Variants in GNAQ observed in about 807,000 individuals in gnomAD.
GNAQ encodes G protein subunit alpha q.
In GNAQ, 8 loss-of-function variants were observed where a neutral mutation model predicts 43.9. The observed-to-expected ratio is 0.18, with a 90% CI of 0.11 to 0.33. The LOEUF (loss-of-function observed/expected upper bound fraction) is 0.33, where lower values mean the gene tolerates loss of function less well. Ranked by LOEUF, GNAQ falls within the 10% of genes least tolerant of loss-of-function variation. GNAQ has a pLI of 1.00. For missense variants in GNAQ, 158 were observed against 450.8 expected, an observed-to-expected ratio of 0.35 and a Z score of 5.88; for synonymous variants, 155 against 170.7, an observed-to-expected ratio of 0.91 and a Z score of 0.71.
chr9:77,830,356 T>C (rs1827278683), intron 2 of GNAQ, among the ~76,000 whole-genome samples: 1 of 152,094 alleles, frequency 6.6e-6, no homozygotes, highest in Admixed American at 6.6e-5. Context: ...AGAGAAAATA[T>C]CAAAACCTAT....
chr9:78,011,851 A>G (rs1823776074), intron 1 of GNAQ, among the ~76,000 whole-genome samples: 1 of 152,212 alleles, frequency 6.6e-6, no homozygotes, highest in Non-Finnish European at 1.5e-5. Flanking sequence ...TGATTGGTGT[A>G]CCTAAAGAAG....
chr9:77,770,279 G>A (rs890537451), intron 5 of GNAQ, among the ~76,000 whole-genome samples: 1 of 152,156 alleles, frequency 6.6e-6, no homozygotes, highest in Admixed American at 6.5e-5. Flanking sequence ...CATTTATTCA[G>A]TCTGATAATC....
intron 2 of GNAQ, among the ~76,000 whole-genome samples, chr9:77,884,027 A>G (rs1828261262): frequency 6.6e-6 from 1 of 152,226 alleles, no homozygotes; most frequent in African/African-American, 2.4e-5. Flanking sequence ...AAATGGAGGG[A>G]GAATTCTCTA....
chr9:77,819,650 T>C (rs1297942893), intron 2 of GNAQ, among the ~76,000 whole-genome samples: 3 of 152,060 alleles, frequency 2.0e-5, no homozygotes, highest in Non-Finnish European at 4.4e-5. Flanking sequence ...TCAGAAAAAG[T>C]GCAAGCCAGC....
chr9:77,898,793 T>C (rs941448095), intron 2 of GNAQ, among the ~76,000 whole-genome samples: 3 of 152,180 alleles, frequency 2.0e-5, no homozygotes, highest in Non-Finnish European at 2.9e-5. Flanking sequence ...ATTTATTATA[T>C]CCATCTAGTA....
chr9:77,761,969 G>GC (rs1169904891), intron 5 of GNAQ, among the ~76,000 whole-genome samples: 1 of 136,710 alleles, frequency 7.3e-6, no homozygotes, highest in Non-Finnish European at 1.6e-5. Flanking sequence ...CCCCCGCCCG[G>GC]CCAGCCGCCC....
At chr9:77,873,314 AT>A (rs1242552048) in intron 2 of GNAQ, among the ~76,000 whole-genome samples, 4 of 152,188 alleles carry the variant, frequency 2.6e-5, no homozygotes, top group African/African-American at 9.7e-5. Flanking sequence ...ATTTATTATC[AT>A]TTTTTAGGCT....
At chr9:77,914,828 C>CAAAAAAAAAAAAAAAAAAAAAAAAAAAA (rs71503232) in intron 2 of GNAQ, among the ~76,000 whole-genome samples, 1 of 98,152 alleles carries the variant, frequency 1.0e-5, no homozygotes. Context: ...TTTTGAACAC[C>CAAAAAAAAAAAAAAAAAAAAAAAAAAAA]AAAAAAAAAA....
chr9:77,997,463 C>G (rs1177578767), intron 1 of GNAQ, among the ~76,000 whole-genome samples: 2 of 152,192 alleles, frequency 1.3e-5, no homozygotes, highest in Admixed American at 1.3e-4. Flanking sequence ...TTGCTTTCTA[C>G]CTGATGCTGC....
intron 5 of GNAQ, among the ~76,000 whole-genome samples, chr9:77,769,445 T>G (rs1412369859): frequency 6.6e-6 from 1 of 151,460 alleles, no homozygotes; most frequent in Non-Finnish European, 1.5e-5. Context: ...CAAACATTAT[T>G]GAAAGGGTGG....
intron 5 of GNAQ, among the ~76,000 whole-genome samples, chr9:77,755,498 A>T (rs1227561551): frequency 3.9e-5 from 6 of 152,204 alleles, no homozygotes; most frequent in Non-Finnish European, 8.8e-5. Flanking sequence ...ATGTACTCAT[A>T]ATTTTTTTAA....
At chr9:77,870,621 C>A (rs765459808) in intron 2 of GNAQ, among the ~76,000 whole-genome samples, 6 of 151,676 alleles carry the variant, frequency 4.0e-5, no homozygotes, top group Non-Finnish European at 8.8e-5. Flanking sequence ...CACCGCGCCC[C>A]GCCTTTGGTG....
intron 2 of GNAQ, among the ~76,000 whole-genome samples, chr9:77,849,519 C>T (rs968339250): frequency 6.6e-6 from 1 of 152,094 alleles, no homozygotes; most frequent in Non-Finnish European, 1.5e-5. Flanking sequence ...CCTCTCCCAG[C>T]TAAACTGAAG....
At chr9:77,809,464 G>A (rs1233890952) in intron 3 of GNAQ, among the ~76,000 whole-genome samples, 1 of 152,162 alleles carries the variant, frequency 6.6e-6, no homozygotes, top group African/African-American at 2.4e-5. Context: ...AAAGCAGGTG[G>A]TGAAATCTAG....
At chr9:78,019,923 CAAAAA>C (rs34222702) in intron 1 of GNAQ, among the ~76,000 whole-genome samples, 4 of 94,150 alleles carry the variant, frequency 4.2e-5, no homozygotes, top group East Asian at 6.3e-4. Context: ...GACTCCATCT[CAAAAA>C]AAAAAAAAAA....
intron 3 of GNAQ, among the ~76,000 whole-genome samples, 192 bp from the exon 4 acceptor site, chr9:77,797,840 T>C (rs113698813): frequency 2.6e-5 from 4 of 152,310 alleles, no homozygotes; most frequent in East Asian, 1.9e-4. Context: ...TATCCATCTA[T>C]GGATTACATA....
intron 5 of GNAQ, among the ~76,000 whole-genome samples, chr9:77,785,535 A>C (rs1031568339): frequency 1.3e-5 from 2 of 152,212 alleles, no homozygotes; most frequent in Non-Finnish European, 2.9e-5. Context: ...GGAGCTGCTG[A>C]TAATATCTAT....
intron 2 of GNAQ, among the ~76,000 whole-genome samples, chr9:77,913,550 A>C (rs985300607): frequency 6.6e-6 from 1 of 152,224 alleles, no homozygotes; most frequent in Non-Finnish European, 1.5e-5. Flanking sequence ...TCTGTGAGGC[A>C]CTGCTATTAC....
At chr9:77,929,595 C>T (rs780023186) in intron 1 of GNAQ, among the ~76,000 whole-genome samples, 18 of 152,054 alleles carry the variant, frequency 1.2e-4, no homozygotes, top group Non-Finnish European at 2.5e-4. Context: ...CTGTGGGACG[C>T]CGAGGTGGGT....
Sources: allele counts gnomAD v4.1 joint callset (sites outside exome capture counted in the v4.1 genomes callset), GRCh38; gene constraint gnomAD v4.1.1; transcripts MANE v1.5; gene names NCBI Gene and HGNC (gene_info 2026-07-23, HGNC 2026-07-21).